The following GAP43 variants were observed in gnomAD, a reference collection of about 807,000 sequenced individuals.
The protein encoded by GAP43 is neuromodulin.
Under a neutral mutation model 18.6 loss-of-function variants are expected in GAP43, and 6 were observed. That is an observed-to-expected ratio of 0.32 (90% CI 0.18 to 0.64). The LOEUF is 0.64. Among genes scored for constraint, GAP43 ranks in the 30% least tolerant of loss-of-function variants. The pLI is 0.78. For missense variants in GAP43, 292 were observed against 295.5 expected, an observed-to-expected ratio of 0.99 and a Z score of 0.09; for synonymous variants, 115 against 111.4, an observed-to-expected ratio of 1.03 and a Z score of -0.20.
rs147355655 is a variant in GAP43, at chr3:115,638,167, G to A, written c.30+14448G>A. 3.9e-3 allele frequency among the ~76,000 whole-genome samples: 594 copies of A among 152,048 alleles called. 3 individuals carry two copies. The highest frequency in any genetic ancestry group is 0.014 in the African/African-American group (561 of 41,522). On this transcript the variant is annotated intron_variant, in intron 1 of 2. Transcript: ENST00000305124. ...TACAATCTTTCCCTCAGCAGCCAGA[G>A]TGCTATTTTGAAAAGCGTCTATAAG...
At chr3:115,708,054 A>G (rs1375410538) in intron 2 of GAP43, among the ~76,000 whole-genome samples, 3 of 152,156 alleles carry the variant, frequency 2.0e-5, no homozygotes, top group Non-Finnish European at 4.4e-5. Flanking sequence ...CCAAGTATCT[A>G]GAAACATACT....
chr3:115,663,962 A>T, intron 1 of GAP43: 4 of 1,530,570 alleles, frequency 2.6e-6, no homozygotes, highest in Non-Finnish European at 3.5e-6. Context: ...TTAGGTTAAA[A>T]CCCTGACTCT....
At chr3:115,645,860 CA>C (rs1708452334) in intron 1 of GAP43, among the ~76,000 whole-genome samples, 1 of 152,026 alleles carries the variant, frequency 6.6e-6, no homozygotes, top group South Asian at 2.1e-4. Context: ...CAAGGTCTCA[CA>C]AAATAAAAAG....
At chr3:115,687,741 C>T (rs866637879) in intron 2 of GAP43, among the ~76,000 whole-genome samples, 1 of 152,110 alleles carries the variant, frequency 6.6e-6, no homozygotes, top group Non-Finnish European at 1.5e-5. Context: ...CTTGGTTAAA[C>T]TTTGATTTCA....
chr3:115,638,661 C>T (rs1055428451), intron 1 of GAP43, among the ~76,000 whole-genome samples: 2 of 151,848 alleles, frequency 1.3e-5, no homozygotes, highest in Admixed American at 1.3e-4. Context: ...TGTGTTATTT[C>T]ATGGAATGGT....
intron 1 of GAP43, among the ~76,000 whole-genome samples, chr3:115,624,295 G>C (rs1019198975): frequency 1.1e-5 from 1 of 89,290 alleles, no homozygotes; most frequent in Non-Finnish European, 2.2e-5. Context: ...ACTGTGATTT[G>C]ATAGATTTTT....
intron 2 of GAP43, among the ~76,000 whole-genome samples, chr3:115,719,779 C>A (rs997526816): frequency 3.3e-5 from 5 of 152,192 alleles, no homozygotes; most frequent in Admixed American, 1.3e-4. Flanking sequence ...CCTAGCAAAT[C>A]ACTGAACCTA....
At position 115,657,266 on chromosome 3, in the gene GAP43, G is replaced by T. The variant is rs564263441; in HGVS notation, c.31-18747G>T. Among the ~76,000 whole-genome samples the T allele has an allele frequency of 3.3e-5, 5 of 152,198 alleles. No individual in the cohort carries two copies. In the South Asian group the frequency reaches 1.0e-3, roughly 32 times the overall value. On this transcript the variant is annotated intron_variant, in intron 1 of 2. Transcript: ENST00000305124. ...GCTAAAGTGGAAGTGTAGGAGAGGTGAGTTGCTTAGGTCTAAGGAGAAAGA... is the reference window on the plus strand; with the variant it reads ...GCTAAAGTGGAAGTGTAGGAGAGGTTAGTTGCTTAGGTCTAAGGAGAAAGA...
At chr3:115,718,948 C>T (rs1709543871) in intron 2 of GAP43, among the ~76,000 whole-genome samples, 1 of 152,130 alleles carries the variant, frequency 6.6e-6, no homozygotes, top group South Asian at 2.1e-4. Flanking sequence ...AAGAGACATA[C>T]ATTTTGATGA....
intron 2 of GAP43, among the ~76,000 whole-genome samples, chr3:115,711,113 T>C (rs1383164725): frequency 1.3e-5 from 2 of 152,190 alleles, no homozygotes; most frequent in African/African-American, 4.8e-5. Context: ...CAGCTTCAAT[T>C]TTCTTATCAA....
intron 1 of GAP43, among the ~76,000 whole-genome samples, chr3:115,629,384 C>G (rs542459640): frequency 6.7e-6 from 1 of 150,110 alleles, no homozygotes; most frequent in Non-Finnish European, 1.5e-5. Context: ...TTTTCTAGTG[C>G]CAAATTCCAA....
At chr3:115,648,028 A>C (rs779410892) in intron 1 of GAP43, among the ~76,000 whole-genome samples, 1 of 152,142 alleles carries the variant, frequency 6.6e-6, no homozygotes, top group Non-Finnish European at 1.5e-5. Flanking sequence ...TTCAGTGCCT[A>C]TGACACATGA....
At position 115,698,441 on chromosome 3, in the gene GAP43, G is replaced by A. The variant is rs1488226137; in HGVS notation, c.628+21831G>A. On this transcript the variant is annotated intron_variant, in intron 2 of 2. Coordinates refer to ENST00000305124, the MANE Select transcript of GAP43 (RefSeq NM_002045.4). ...GACTCAGATTACTCCAATAAAACCA[G>A]TAGGTCTTCTCTTAAGATTCTAACT... Among the ~76,000 whole-genome samples, 7 of 147,512 alleles carry A rather than the reference G, an allele frequency of 4.7e-5. No homozygotes were observed. The East Asian group carries it at 1.4e-3, about 30-fold the overall frequency.
chr3:115,706,033 C>G (rs1345000652), intron 2 of GAP43, among the ~76,000 whole-genome samples: 2 of 152,116 alleles, frequency 1.3e-5, no homozygotes, highest in Non-Finnish European at 2.9e-5. Context: ...TGCTGGGATT[C>G]CCTATTTGAG....
chr3:115,698,155 T>TTA (rs1419360837), intron 2 of GAP43, among the ~76,000 whole-genome samples: 378 of 20,498 alleles, frequency 0.018, no homozygotes, highest in Non-Finnish European at 0.039. Context: ...ATATTATATA[T>TTA]AATATATAAA....
At chr3:115,670,311 A>G (rs1258963845) in intron 1 of GAP43, among the ~76,000 whole-genome samples, 4 of 150,462 alleles carry the variant, frequency 2.7e-5, no homozygotes, top group East Asian at 2.0e-4. Context: ...CCATGTCCCT[A>G]CAAAGGACAT....
At chr3:115,685,809 T>G (rs977382585) in intron 2 of GAP43, among the ~76,000 whole-genome samples, 1 of 152,196 alleles carries the variant, frequency 6.6e-6, no homozygotes, top group African/African-American at 2.4e-5. Flanking sequence ...GGTGGAAGAT[T>G]TTTTTTATTT....
chr3:115,638,774 G>A (rs867633961), intron 1 of GAP43, among the ~76,000 whole-genome samples: 3 of 151,188 alleles, frequency 2.0e-5, no homozygotes, highest in Non-Finnish European at 2.9e-5. Flanking sequence ...GTTTATTTCC[G>A]TGATAATAAA....
intron 1 of GAP43, among the ~76,000 whole-genome samples, chr3:115,651,773 C>A (rs1430761028): frequency 1.3e-5 from 2 of 152,100 alleles, no homozygotes; most frequent in East Asian, 3.9e-4. Flanking sequence ...TCCTTGGTGG[C>A]CTTGTAATTT....
Sources: allele counts gnomAD v4.1 joint callset (sites outside exome capture counted in the v4.1 genomes callset), GRCh38; gene constraint gnomAD v4.1.1; transcripts MANE v1.5; gene names NCBI Gene and HGNC (gene_info 2026-07-23, HGNC 2026-07-21).